The following RIPOR3 variants were observed in gnomAD, a reference collection of about 807,000 sequenced individuals.
RIPOR3 encodes the protein family with sequence similarity 65 member C.
Under a neutral mutation model 114.3 loss-of-function variants are expected in RIPOR3, and 95 were observed. The observed-to-expected ratio is 0.83, with a 90% CI of 0.70 to 0.99. RIPOR3 has a LOEUF of 0.99. Ranked by LOEUF, RIPOR3 falls within the 50% of genes least tolerant of loss-of-function variation. The pLI is 0.00. For synonymous variants in RIPOR3, 575 were observed against 543.8 expected, an observed-to-expected ratio of 1.06 and a Z score of -0.80; for missense variants, 1,252 against 1,266.9, an observed-to-expected ratio of 0.99 and a Z score of 0.18.
At chr20:50,599,903 C>CT (rs10639593) in intron 13 of RIPOR3, among the ~76,000 whole-genome samples, 5 of 151,450 alleles carry the variant, frequency 3.3e-5, no homozygotes, top group African/African-American at 9.7e-5. Context: ...CACACACACA[C>CT]TTTTTTTTCT....
intron 2 of RIPOR3, among the ~76,000 whole-genome samples, chr20:50,625,849 G>A (rs879572061): frequency 3.3e-5 from 5 of 152,148 alleles, no homozygotes; most frequent in African/African-American, 4.8e-5. Flanking sequence ...CAGCTCTTGG[G>A]AAATGGCCTT....
chr20:50,681,218 C>T (rs143824318), intron 1 of RIPOR3, among the ~76,000 whole-genome samples: 13,329 of 97,948 alleles, frequency 0.14, 1,383 homozygotes, highest in African/African-American at 0.31. Context: ...AAGCCAAACT[C>T]TGTCTCAAAA....
At chr20:50,672,302 C>T (rs992436018) in intron 1 of RIPOR3, among the ~76,000 whole-genome samples, 10 of 152,166 alleles carry the variant, frequency 6.6e-5, no homozygotes, top group Non-Finnish European at 1.2e-4. Flanking sequence ...CTTAGAGCTA[C>T]CTCTGGTCAG....
rs184859412 is a variant in RIPOR3 at position 50,656,247 on chromosome 20, G to T, written c.4-25391C>A. 3.3e-5 allele frequency among the ~76,000 whole-genome samples: 5 copies of T among 151,876 alleles called. No individual in the cohort carries two copies. In the East Asian group the frequency reaches 9.8e-4, roughly 30 times the overall value. On this transcript the variant is annotated intron_variant, in intron 1 of 21. Coordinates refer to ENST00000327979, the MANE Select transcript of RIPOR3 (RefSeq NM_001290268.2). ...GTCCTTTCCTTTTCTACTCTTTGGA[G>T]TCGAGGGGCCTGGGTTTGAATCCTA...
intron 1 of RIPOR3, among the ~76,000 whole-genome samples, chr20:50,661,705 C>T (rs988253881): frequency 6.6e-6 from 1 of 152,090 alleles, no homozygotes; most frequent in Admixed American, 6.6e-5. Flanking sequence ...CTTGAAGGTC[C>T]GGACAAAGGG....
intron 4 of RIPOR3, among the ~76,000 whole-genome samples, chr20:50,613,551 C>T (rs1349255754): frequency 1.3e-5 from 2 of 152,112 alleles, no homozygotes; most frequent in Non-Finnish European, 2.9e-5. Context: ...TCTCAAAAAC[C>T]AACATCTTGT....
intron 13 of RIPOR3, among the ~76,000 whole-genome samples, chr20:50,599,399 A>G (rs1423287333): frequency 6.6e-6 from 1 of 151,998 alleles, no homozygotes; most frequent in East Asian, 1.9e-4. Flanking sequence ...CTCCAAAAAA[A>G]AAGGAAAAAA....
intron 20 of RIPOR3, among the ~76,000 whole-genome samples, chr20:50,588,744 C>G (rs1338863513): frequency 1.2e-5 from 1 of 85,846 alleles, no homozygotes; most frequent in Non-Finnish European, 2.2e-5. Context: ...AAAGAATTCT[C>G]AAGTGAAAAA....
intron 2 of RIPOR3, chr20:50,620,966 C>A: frequency 1.9e-6 from 1 of 533,556 alleles, no homozygotes; most frequent in Non-Finnish European, 3.6e-6. Flanking sequence ...CAAACAGGCC[C>A]TCAAGTTCAT....
chr20:50,635,255 G>A (rs2084943950), intron 1 of RIPOR3, among the ~76,000 whole-genome samples: 1 of 152,198 alleles, frequency 6.6e-6, no homozygotes, highest in Non-Finnish European at 1.5e-5. Context: ...CCCTTGGGTA[G>A]CCAGCACTGC....
rs888740746 is a variant in RIPOR3, at chr20:50,587,022, C to T, written c.*210G>A. 8.8e-6 allele frequency: 5 copies of T among 565,256 alleles called. No homozygotes were observed. The African/African-American group carries it at 9.4e-5, about 11-fold the overall frequency. The allele number at this position is 565,256 out of a possible 1,614,324, so 35.0% of individuals were successfully genotyped here. On this transcript the variant is annotated 3_prime_UTR_variant, in exon 22 of 22. Coordinates refer to ENST00000327979, the MANE Select transcript of RIPOR3 (RefSeq NM_001290268.2). ...TTGAGGCCGTGCAGCCCCTGGAATGCTGTACCTTTGCCTTGCTTTTTTCTG... is the reference window on the plus strand; with the variant it reads ...TTGAGGCCGTGCAGCCCCTGGAATGTTGTACCTTTGCCTTGCTTTTTTCTG...
chr20:50,587,463 G>T (rs1178856927), intron 21 of RIPOR3, 131 bp from the exon 22 acceptor site: 1 of 733,464 alleles, frequency 1.4e-6, no homozygotes, highest in Non-Finnish European at 2.3e-6. Flanking sequence ...AGGGGAGGGA[G>T]TATGTGCGGG....
intron 1 of RIPOR3, among the ~76,000 whole-genome samples, chr20:50,671,181 G>A (rs541881016): frequency 6.6e-6 from 1 of 152,016 alleles, no homozygotes; most frequent in Non-Finnish European, 1.5e-5. Flanking sequence ...GTTGTTTAGG[G>A]TTTCACCATG....
At chr20:50,675,269 G>A (rs115078017) in intron 1 of RIPOR3, among the ~76,000 whole-genome samples, 289 of 152,298 alleles carry the variant, frequency 1.9e-3, no homozygotes, top group African/African-American at 6.6e-3. Context: ...GTGAAAGAAC[G>A]AGTTTCTGTT....
chr20:50,656,147 A>G (rs2085804152), intron 1 of RIPOR3, among the ~76,000 whole-genome samples: 1 of 152,004 alleles, frequency 6.6e-6, no homozygotes, highest in South Asian at 2.1e-4. Flanking sequence ...AGCTGGGACT[A>G]CAGGCCCGCA....
chr20:50,644,997 G>A (rs1242404343), intron 1 of RIPOR3, among the ~76,000 whole-genome samples: 1 of 151,842 alleles, frequency 6.6e-6, no homozygotes, highest in Non-Finnish European at 1.5e-5. Flanking sequence ...ACGCCACCAA[G>A]CCCAGCTAAT....
chr20:50,663,038 A>T (rs944009409), intron 1 of RIPOR3, among the ~76,000 whole-genome samples: 1 of 148,618 alleles, frequency 6.7e-6, no homozygotes, highest in Non-Finnish European at 1.5e-5. Flanking sequence ...TGGAGGTTGC[A>T]GTGGGCCAAG....
At chr20:50,641,600 G>T (rs1244343050) in intron 1 of RIPOR3, among the ~76,000 whole-genome samples, 1 of 152,186 alleles carries the variant, frequency 6.6e-6, no homozygotes, top group Non-Finnish European at 1.5e-5. Flanking sequence ...GCCCAGGGAA[G>T]TCATAGCACG....
intron 1 of RIPOR3, among the ~76,000 whole-genome samples, chr20:50,680,410 A>G (rs1414725177): frequency 3.3e-5 from 5 of 152,236 alleles, no homozygotes; most frequent in Non-Finnish European, 7.3e-5. Context: ...GAGTTAATCA[A>G]CAGAACTCAA....
Sources: allele counts gnomAD v4.1 joint callset (sites outside exome capture counted in the v4.1 genomes callset), GRCh38; gene constraint gnomAD v4.1.1; transcripts MANE v1.5; gene names NCBI Gene and HGNC (gene_info 2026-07-23, HGNC 2026-07-21).